The following TBC1D1 variants were observed in gnomAD, a reference collection of about 807,000 sequenced individuals.
TBC1D1 encodes TBC1 domain family member 1.
TBC1D1 carries 89 observed loss-of-function variants against 125.6 expected under a neutral mutation model. The ratio of observed to expected loss-of-function variants is 0.71; its 90% confidence interval spans 0.60 to 0.85. The LOEUF (loss-of-function observed/expected upper bound fraction) is 0.85, where lower values mean the gene tolerates loss of function less well. Among genes scored for constraint, TBC1D1 ranks in the 40% least tolerant of loss-of-function variants. The probability of loss-of-function intolerance (pLI) is 0.00; values close to 1 mark genes in which losing one functional copy is unlikely to be tolerated. For synonymous variants in TBC1D1, 565 were observed against 564.1 expected, an observed-to-expected ratio of 1.00 and a Z score of -0.02; for missense variants, 1,377 against 1,469.2, an observed-to-expected ratio of 0.94 and a Z score of 1.03.
chr4:38,012,807 T>C (rs544104910), intron 2 of TBC1D1, among the ~76,000 whole-genome samples: 1 of 152,212 alleles, frequency 6.6e-6, no homozygotes, highest in South Asian at 2.1e-4. Flanking sequence ...GCTATTTTGT[T>C]TTTTTTGAGA....
In TBC1D1 at chr4:38,103,130, C is replaced by T; in HGVS notation, c.2530C>T (p.Gln844Ter). ...AGAACTCTTAAAGCAGCTGACTTCCCAGCAGCATGCGATTCTTATTGACCT... is the reference window on the plus strand; with the variant it reads ...AGAACTCTTAAAGCAGCTGACTTCCTAGCAGCATGCGATTCTTATTGACCT... The change falls in exon 15 of 20, where the codon CAG (glutamine) becomes TAG (stop). Residue 844 changes from glutamine to a stop codon, truncating the protein, a stop_gained. Coordinates refer to ENST00000261439, the MANE Select transcript of TBC1D1 (RefSeq NM_015173.4). LOFTEE classifies it high-confidence loss of function. The T allele has an allele frequency of 1.2e-6, 2 of 1,612,684 alleles. No homozygotes were observed. Among genetic ancestry groups the T allele is most frequent in the African/African-American group, 1.3e-5 (1 of 74,968 alleles).
intron 2 of TBC1D1, among the ~76,000 whole-genome samples, chr4:37,918,192 T>C (rs1309367722): frequency 6.6e-6 from 1 of 152,242 alleles, no homozygotes; most frequent in Non-Finnish European, 1.5e-5. Context: ...TAAAATCTGT[T>C]CTTGCCTTTT....
At position 38,133,266 on chromosome 4, in the gene TBC1D1, T is replaced by C. The variant is rs1317530413; in HGVS notation, c.3306+9T>C. ...TCCTTGAACAGTTGCAGGTAGAGCATATTTATAAAGCAGCTTCCTGAATCA... is the reference window on the plus strand; with the variant it reads ...TCCTTGAACAGTTGCAGGTAGAGCACATTTATAAAGCAGCTTCCTGAATCA... On this transcript the variant is annotated intron_variant, in intron 19 of 19. Coordinates refer to ENST00000261439, the MANE Select transcript of TBC1D1 (RefSeq NM_015173.4). 1 of 1,607,976 alleles carries C rather than the reference T, an allele frequency of 6.2e-7. No individual in the cohort carries two copies. Among genetic ancestry groups the C allele is most frequent in the Non-Finnish European group, 8.5e-7 (1 of 1,177,920 alleles).
In TBC1D1 at chr4:38,052,167, C is replaced by CTGTGTG. The variant is rs58659939; in HGVS notation, c.1911-2009_1911-2004dup. ...AATGTCCATGCAGGAAGCAGAGCCA[C>CTGTGTG]TGTGTGTGTGTGTGTGTGTGTGTGT... On this transcript the variant is annotated intron_variant, in intron 11 of 19. Coordinates refer to ENST00000261439, the MANE Select transcript of TBC1D1 (RefSeq NM_015173.4). 6.7e-3 allele frequency: 4,939 copies of CTGTGTG among 736,012 alleles called. 25 individuals carry two copies. The highest frequency in any genetic ancestry group is 0.011 in the African/African-American group (621 of 54,510). 45.6% of individuals were successfully genotyped at this position (736,012 alleles called of 1,614,324 possible).
rs750037813 is a variant in TBC1D1, at chr4:38,120,919, G to C, written c.2962+2727G>C. 1.2e-4 allele frequency among the ~76,000 whole-genome samples: 18 copies of C among 152,230 alleles called. 1 individual carries two copies. Among genetic ancestry groups the C allele is most frequent in the Middle Eastern group, 3.4e-3 (1 of 294 alleles). On this transcript the variant is annotated intron_variant, in intron 17 of 19. Transcript: ENST00000261439. ...TTCAGCCTCTGATGTTTTTCTATAG[G>C]ACATGCTGCCAAATAGATGAGGGAG...
chr4:38,133,397 G>A, intron 19 of TBC1D1, 140 bp downstream of exon 21: 2 of 691,904 alleles, frequency 2.9e-6, no homozygotes, highest in Non-Finnish European at 4.7e-6. Context: ...GGGATCAAAG[G>A]TATCCCGGGA....
At chr4:38,030,476 G>A (rs35276332) in intron 7 of TBC1D1, 1 of 152,158 alleles carries the variant, frequency 6.6e-6, no homozygotes, top group South Asian at 2.1e-4. Context: ...GCTGTTCCTT[G>A]AGTGATACAG....
chr4:37,964,394 CA>C (rs1457886070), intron 2 of TBC1D1, among the ~76,000 whole-genome samples: 1 of 152,182 alleles, frequency 6.6e-6, no homozygotes, highest in East Asian at 1.9e-4. Context: ...GATCCACTGA[CA>C]CATCCAACTC....
chr4:37,968,058 T>C (rs1293295380), intron 2 of TBC1D1, among the ~76,000 whole-genome samples: 1 of 152,246 alleles, frequency 6.6e-6, no homozygotes, highest in African/African-American at 2.4e-5. Context: ...ATGATTGCTG[T>C]TCGTATTGAA....
intron 2 of TBC1D1, among the ~76,000 whole-genome samples, chr4:37,907,494 C>A (rs1717590351): frequency 6.6e-6 from 1 of 152,132 alleles, no homozygotes; most frequent in Non-Finnish European, 1.5e-5. Context: ...GATTCTCCTG[C>A]CTCAGCCTCC....
intron 2 of TBC1D1, among the ~76,000 whole-genome samples, chr4:37,949,934 G>C (rs1305406764): frequency 6.6e-6 from 1 of 151,962 alleles, no homozygotes; most frequent in Non-Finnish European, 1.5e-5. Flanking sequence ...ATTCCTAACG[G>C]AGTTGAACCC....
At chr4:38,017,924 A>G (rs1185111400) in intron 3 of TBC1D1, among the ~76,000 whole-genome samples, 1 of 152,262 alleles carries the variant, frequency 6.6e-6, no homozygotes, top group Non-Finnish European at 1.5e-5. Flanking sequence ...TCACTAGTGT[A>G]TGTGAATGCC....
At chr4:37,963,598 G>C (rs542837195) in intron 2 of TBC1D1, among the ~76,000 whole-genome samples, 1 of 152,156 alleles carries the variant, frequency 6.6e-6, no homozygotes. Context: ...TGAAGGTTGC[G>C]GTGAGCCGAG....
chr4:38,040,516 T>C (rs1420676030), intron 8 of TBC1D1, among the ~76,000 whole-genome samples: 1 of 152,192 alleles, frequency 6.6e-6, no homozygotes, highest in Non-Finnish European at 1.5e-5. Context: ...CTCCGTCTCT[T>C]GTCCTCGTGA....
At chr4:38,030,095 T>C (rs958385719) in intron 7 of TBC1D1, among the ~76,000 whole-genome samples, 5 of 152,236 alleles carry the variant, frequency 3.3e-5, no homozygotes, top group African/African-American at 1.2e-4. Context: ...GGAACTTCCC[T>C]CTCATAATGT....
intron 2 of TBC1D1, among the ~76,000 whole-genome samples, chr4:37,928,684 T>C (rs1327603196): frequency 1.3e-5 from 2 of 152,214 alleles, no homozygotes; most frequent in Non-Finnish European, 2.9e-5. Flanking sequence ...CCAATTTTCT[T>C]CCAGGCGGTC....
intron 2 of TBC1D1, among the ~76,000 whole-genome samples, chr4:37,956,060 C>G (rs1283136208): frequency 2.7e-5 from 4 of 150,254 alleles, no homozygotes; most frequent in African/African-American, 9.8e-5. Context: ...AACAACGTCT[C>G]TGTCACTCAG....
chr4:37,946,436 C>T (rs574597478), intron 2 of TBC1D1, among the ~76,000 whole-genome samples: 22 of 152,286 alleles, frequency 1.4e-4, no homozygotes, highest in Non-Finnish European at 2.4e-4. Flanking sequence ...AATATCACTC[C>T]GTCTCCCATA....
In TBC1D1 at chr4:38,014,651, A is replaced by G; in HGVS notation, c.560A>G (p.Lys187Arg). The G allele has an allele frequency of 1.2e-6, 2 of 1,613,268 alleles. No individual in the cohort carries two copies. The highest frequency in any genetic ancestry group is 1.7e-6 in the Non-Finnish European group (2 of 1,180,024). ...GGCCGCGTGACGGTGGCGCACAAGA[A>G]GGCTCCGCCGGCCCTGATCGACGAG... The change falls in exon 3 of 20, where the codon AAG becomes AGG. Residue 187 changes from lysine to arginine, a missense_variant. Lys to Arg is a conservative substitution (Grantham distance 26). Around this residue, in one of 3 missense-constraint regions of TBC1D1, gnomAD observed 822 missense variants for 824.6 expected, o/e 1.00. Transcript: ENST00000261439. This position sits in a 1 kb window ranked among gnomAD's most constrained non-coding sequence, Gnocchi z 5.1.
Sources: gnomAD v4.1 joint callset for allele counts (sites outside exome capture counted in the v4.1 genomes callset) on GRCh38, gnomAD v4.1.1 for gene constraint, gnomAD v4.1.1 regional missense constraint, Gnocchi (gnomAD v3.1) non-coding constraint, MANE v1.5 for transcripts, NCBI Gene and HGNC (gene_info 2026-07-23, HGNC 2026-07-21) for gene names.